Variants in MTURN observed in about 807,000 individuals in gnomAD.
MTURN encodes maturin.
MTURN carries 7 observed loss-of-function variants against 14.9 expected under a neutral mutation model. The observed-to-expected ratio is 0.47, with a 90% CI of 0.27 to 0.88. The LOEUF is 0.88. Among genes scored for constraint, MTURN ranks in the 40% least tolerant of loss-of-function variants. The pLI is 0.14. For synonymous variants in MTURN, 69 were observed against 72.5 expected, an observed-to-expected ratio of 0.95 and a Z score of 0.25; for missense variants, 151 against 174.1, an observed-to-expected ratio of 0.87 and a Z score of 0.75.
intron 2 of MTURN, among the ~76,000 whole-genome samples, chr7:30,155,243 T>C (rs545948497): frequency 1.3e-5 from 2 of 152,318 alleles, no homozygotes; most frequent in Admixed American, 6.5e-5. Flanking sequence ...CATTTCTCTT[T>C]AGTGACATCC....
rs953841698 is a variant in MTURN, at chr7:30,159,286, C to T, written c.*1738C>T. ...TGCCCTTTGCAGCCCTGCCTGTGTT[C>T]TGATTGGCTCCATTCATGAGCAAAG... On this transcript the variant is annotated 3_prime_UTR_variant, in exon 3 of 3. Transcript: ENST00000324453. 1 of 152,134 alleles carries T rather than the reference C, an allele frequency of 6.6e-6. No individual in the cohort carries two copies. The highest frequency in any genetic ancestry group is 2.4e-5 in the African/African-American group (1 of 41,414). 9.4% of individuals were successfully genotyped at this position (152,134 alleles called of 1,614,324 possible).
intron 1 of MTURN, among the ~76,000 whole-genome samples, chr7:30,145,488 T>G (rs1228548295): frequency 1.3e-5 from 2 of 152,048 alleles, no homozygotes; most frequent in African/African-American, 4.8e-5. Flanking sequence ...AGCAAAACCC[T>G]GTCTGAAAAA....
chr7:30,149,407 G>A (rs1797174840), intron 2 of MTURN, among the ~76,000 whole-genome samples: 1 of 152,146 alleles, frequency 6.6e-6, no homozygotes, highest in Admixed American at 6.5e-5. Context: ...CCGCCCTCTG[G>A]CAGGGCCGGT....
rs1182802393 is a variant in MTURN, at chr7:30,134,999, T to G, written c.-138T>G. On this transcript the variant is annotated 5_prime_UTR_variant, in exon 1 of 3. The change abolishes an upstream ATG in the 5' untranslated region. Coordinates refer to ENST00000324453, the MANE Select transcript of MTURN (RefSeq NM_152793.3). ...GCCGCCCGCCCCACTCCGCACCGCA[T>G]GTAAACAGTCCCAGCCGGCCCAGCC... The G allele has an allele frequency of 2.9e-6, 2 of 686,712 alleles. No individual in the cohort carries two copies. 42.5% of individuals were successfully genotyped at this position (686,712 alleles called of 1,614,324 possible). A position where few individuals can be genotyped will look rare whatever the true frequency, so the allele number is the denominator to read the frequency against.
At chr7:30,155,166 T>C (rs1797268981) in intron 2 of MTURN, among the ~76,000 whole-genome samples, 1 of 152,194 alleles carries the variant, frequency 6.6e-6, no homozygotes, top group Admixed American at 6.5e-5. Flanking sequence ...CCACGGGGCC[T>C]CAGAATCCTG....
intron 2 of MTURN, among the ~76,000 whole-genome samples, chr7:30,150,724 G>A (rs62447375): frequency 3.5e-4 from 53 of 152,270 alleles, no homozygotes; most frequent in African/African-American, 1.2e-3. Flanking sequence ...GGACCTAGAC[G>A]TGCTCAGAGC....
chr7:30,146,419 G>T, intron 2 of MTURN, 120 bp downstream of exon 2: 1 of 1,411,022 alleles, frequency 7.1e-7, no homozygotes, highest in Non-Finnish European at 9.6e-7. Flanking sequence ...TCTCTTGTCT[G>T]TCCTGTGGCT....
At chr7:30,141,143 A>G (rs10261064) in intron 1 of MTURN, 110,086 of 152,108 alleles carry the variant, frequency 0.72, 40,986 homozygotes, top group East Asian at 0.94. Context: ...CACCATGTGC[A>G]GTGGCTCACA....
chr7:30,154,158 A>C (rs1797251112), intron 2 of MTURN, among the ~76,000 whole-genome samples: 1 of 152,162 alleles, frequency 6.6e-6, no homozygotes, highest in Admixed American at 6.5e-5. Flanking sequence ...GGGCAGGAGA[A>C]TCGCCTTACA....
At chr7:30,140,884 C>T (rs948646542) in intron 1 of MTURN, 1 of 152,102 alleles carries the variant, frequency 6.6e-6, no homozygotes, top group African/African-American at 2.4e-5. Flanking sequence ...CTTTAGATTC[C>T]CCCTGTAAAT....
chr7:30,156,966 C>A (rs973661309), intron 2 of MTURN, among the ~76,000 whole-genome samples: 1 of 152,146 alleles, frequency 6.6e-6, no homozygotes, highest in African/African-American at 2.4e-5. Context: ...AACACCATAA[C>A]CATTTTGCTG....
intron 2 of MTURN, among the ~76,000 whole-genome samples, chr7:30,156,946 C>G (rs1797297915): frequency 6.6e-6 from 1 of 152,098 alleles, no homozygotes; most frequent in Non-Finnish European, 1.5e-5. Flanking sequence ...ATATAAGATT[C>G]CATTTCAATA....
chr7:30,154,008 G>A (rs111520371), intron 2 of MTURN, among the ~76,000 whole-genome samples: 19,176 of 152,116 alleles, frequency 0.13, 1,332 homozygotes, highest in African/African-American at 0.17. Context: ...GTGAGCCACC[G>A]TGCCTGGCCT....
chr7:30,149,525 G>C (rs1339464796), intron 2 of MTURN, among the ~76,000 whole-genome samples: 1 of 152,188 alleles, frequency 6.6e-6, no homozygotes, highest in Non-Finnish European at 1.5e-5. Context: ...GACTGAATGA[G>C]AGGGAGCGTC....
intron 2 of MTURN, among the ~76,000 whole-genome samples, chr7:30,151,600 C>CA (rs1797213495): frequency 6.6e-6 from 1 of 152,216 alleles, no homozygotes; most frequent in African/African-American, 2.4e-5. Context: ...CGAATTCTCT[C>CA]AAAGTGTTAT....
chr7:30,160,896 C>T lies in MTURN; in HGVS notation c.*3348C>T, dbSNP rs574653553. Reference sequence around the variant, plus strand: ...CCTGTCTCCCAGGCCCAAAGCAGCACATGGTGCAATGGAAAAGTCTCTTAT... The same window carrying T: ...CCTGTCTCCCAGGCCCAAAGCAGCATATGGTGCAATGGAAAAGTCTCTTAT... On this transcript the variant is annotated 3_prime_UTR_variant, in exon 3 of 3. Transcript: ENST00000324453. 3 of 152,672 alleles carry T rather than the reference C, an allele frequency of 2.0e-5. No homozygotes were observed. The highest frequency in any genetic ancestry group is 7.2e-5 in the African/African-American group (3 of 41,568). The allele number at this position is 152,672 out of a possible 1,614,324, so 9.5% of individuals were successfully genotyped here. A position where few individuals can be genotyped will look rare whatever the true frequency, so the allele number is the denominator to read the frequency against.
At chr7:30,147,203 A>G (rs1244932850) in intron 2 of MTURN, among the ~76,000 whole-genome samples, 1 of 152,144 alleles carries the variant, frequency 6.6e-6, no homozygotes, top group East Asian at 1.9e-4. Context: ...TGTTTCTGCT[A>G]GTTCTCAAAC....
rs1373090857 is a variant in MTURN, at chr7:30,161,366, CTG to C, written c.*3820_*3821del. ...GGCCTGCTTTCCTCAAAGGAACTGACTGTATGTTGAGAGGCAATGCCTTGTGT... is the reference window on the plus strand; with the variant it reads ...GGCCTGCTTTCCTCAAAGGAACTGACTATGTTGAGAGGCAATGCCTTGTGT... On this transcript the variant is annotated 3_prime_UTR_variant, in exon 3 of 3. Transcript: ENST00000324453. The C allele has an allele frequency of 2.0e-5, 3 of 152,176 alleles. No homozygotes were observed. Among genetic ancestry groups the C allele is most frequent in the Admixed American group, 6.5e-5 (1 of 15,284 alleles). 9.4% of individuals were successfully genotyped at this position (152,176 alleles called of 1,614,324 possible).
At position 30,159,628 on chromosome 7, in the gene MTURN, T is replaced by A. The variant is rs1378405643; in HGVS notation, c.*2080T>A. 1 of 152,672 alleles carries A rather than the reference T, an allele frequency of 6.5e-6. No individual in the cohort carries two copies. 9.5% of individuals were successfully genotyped at this position (152,672 alleles called of 1,614,324 possible). On this transcript the variant is annotated 3_prime_UTR_variant, in exon 3 of 3. Coordinates refer to ENST00000324453, the MANE Select transcript of MTURN (RefSeq NM_152793.3). ...TGGAGATAGATAGACTCGGCCATTCTGTGGGCTGATGAGAATTCTGGGCTT... is the reference window on the plus strand; with the variant it reads ...TGGAGATAGATAGACTCGGCCATTCAGTGGGCTGATGAGAATTCTGGGCTT...
Sources: gnomAD v4.1 joint callset for allele counts (sites outside exome capture counted in the v4.1 genomes callset) on GRCh38, gnomAD v4.1.1 for gene constraint, MANE v1.5 for transcripts, NCBI Gene and HGNC (gene_info 2026-07-23, HGNC 2026-07-21) for gene names.